The following PDE6A variants were observed in gnomAD, a reference collection of about 807,000 sequenced individuals.
PDE6A encodes phosphodiesterase 6A.
A neutral mutation model predicts 106.3 loss-of-function variants in PDE6A; 84 were observed. The observed-to-expected ratio is 0.79, with a 90% CI of 0.66 to 0.95. The LOEUF is 0.95. Ranked by LOEUF, PDE6A falls within the 40% of genes least tolerant of loss-of-function variation. The pLI is 0.00. For synonymous variants in PDE6A, 394 were observed against 386.6 expected, an observed-to-expected ratio of 1.02 and a Z score of -0.23; for missense variants, 1,052 against 1,084.9, an observed-to-expected ratio of 0.97 and a Z score of 0.43.
intron 2 of PDE6A, 137 bp downstream of exon 2, chr5:149,934,429 C>T: frequency 1.2e-6 from 1 of 854,364 alleles, no homozygotes; most frequent in South Asian, 1.4e-5. Context: ...ATCCTGCCTC[C>T]CTCAGAGAAC....
chr5:149,909,538 A>G (rs1753307944), intron 6 of PDE6A, among the ~76,000 whole-genome samples: 1 of 152,042 alleles, frequency 6.6e-6, no homozygotes, highest in African/African-American at 2.4e-5. Flanking sequence ...CATTCCACAC[A>G]CACCTTTGCA....
intron 11 of PDE6A, 53 bp from the exon 12 acceptor site, chr5:149,896,555 C>T (rs1299353604): frequency 6.2e-7 from 1 of 1,613,980 alleles, no homozygotes; most frequent in Non-Finnish European, 8.5e-7. Flanking sequence ...TTTCTGGGTG[C>T]CCACCTCCTG....
intron 1 of PDE6A, among the ~76,000 whole-genome samples, chr5:149,936,692 T>A (rs1001458121): frequency 6.6e-6 from 1 of 152,200 alleles, no homozygotes; most frequent in African/African-American, 2.4e-5. Context: ...TATAAAGTGT[T>A]CTAAACAACC....
chr5:149,868,670 C>A (rs74636921), intron 17 of PDE6A, among the ~76,000 whole-genome samples: 2 of 152,054 alleles, frequency 1.3e-5, no homozygotes, highest in South Asian at 2.1e-4. Context: ...TTCCCTGCCC[C>A]AACTGCCAAC....
rs755144386 is a variant in PDE6A at position 149,863,249 on chromosome 5, G to A, written c.2376C>T (p.His792=). The change falls in exon 21 of 22, where the codon CAC becomes CAT. Residue 792 remains histidine (H), a synonymous_variant. Coordinates refer to ENST00000255266, the MANE Select transcript of PDE6A (RefSeq NM_000440.3). The surrounding 1 kb of genome is among the most constrained non-coding windows in gnomAD (Gnocchi z 4.7). ...CGTCCAACATTGGGGTGATCTCCTC[G>A]TGGAAACGGGAGAATTCCTAGAAGA... ...TFVYKEFSRF[H]EEITPMLDGI... is the part of the protein sequence containing the mutation. 1.4e-5 allele frequency: 23 copies of A among 1,614,030 alleles called. No homozygotes were observed. Among genetic ancestry groups the A allele is most frequent in the South Asian group, 3.3e-5 (3 of 91,086 alleles).
chr5:149,931,990 T>C, intron 3 of PDE6A: 1 of 1,433,872 alleles, frequency 7.0e-7, no homozygotes, highest in Non-Finnish European at 9.8e-7. Flanking sequence ...GATAATATTT[T>C]TGAGAGCTGA....
intron 17 of PDE6A, among the ~76,000 whole-genome samples, chr5:149,880,058 C>T (rs1760870656): frequency 6.6e-6 from 1 of 152,130 alleles, no homozygotes; most frequent in African/African-American, 2.4e-5. Flanking sequence ...GACAGAACTG[C>T]CTTTAGTTCT....
At chr5:149,865,199 C>A (rs1256182927) in intron 20 of PDE6A, among the ~76,000 whole-genome samples, 2 of 147,728 alleles carry the variant, frequency 1.4e-5, no homozygotes, top group East Asian at 4.0e-4. Context: ...GAGATCGCAC[C>A]ACTGCACTCC....
chr5:149,862,486 C>T (rs966292332), intron 21 of PDE6A, among the ~76,000 whole-genome samples: 1 of 152,116 alleles, frequency 6.6e-6, no homozygotes, highest in Non-Finnish European at 1.5e-5. Context: ...AGTCCGGACG[C>T]GGTGGCTTAT....
At chr5:149,942,937 C>G (rs960398073) in intron 1 of PDE6A, among the ~76,000 whole-genome samples, 2 of 151,612 alleles carry the variant, frequency 1.3e-5, no homozygotes, top group Admixed American at 1.3e-4. Context: ...GGTTTTACAC[C>G]GAGACATTCC....
intron 14 of PDE6A, 48 bp downstream of exon 14, chr5:149,886,217 T>C: frequency 1.5e-6 from 2 of 1,353,888 alleles, no homozygotes; most frequent in Non-Finnish European, 2.1e-6. Flanking sequence ...CACACAGAGC[T>C]GGATAATGAA....
rs35852293 is a variant in PDE6A, at chr5:149,884,195, A to ATATATAT, written c.2027+283_2027+284insATATATA. 2.0e-3 allele frequency among the ~76,000 whole-genome samples: 272 copies of ATATATAT among 138,754 alleles called. 5 individuals are homozygous for ATATATAT. Among genetic ancestry groups the ATATATAT allele is most frequent in the East Asian group, 5.4e-3 (27 of 4,984 alleles). The allele number at this position is 138,754 out of a possible 152,430, so 91.0% of individuals were successfully genotyped here. A position where few individuals can be genotyped will look rare whatever the true frequency, so the allele number is the denominator to read the frequency against. On this transcript the variant is annotated intron_variant, in intron 16 of 21. Transcript: ENST00000255266. ...AGATCCTGTCTCAAAAAAGAAAAAA[A>ATATATAT]AAAAATATATATATATATATACACA...
At chr5:149,936,500 A>G (rs1023971397) in intron 1 of PDE6A, among the ~76,000 whole-genome samples, 2 of 152,222 alleles carry the variant, frequency 1.3e-5, no homozygotes, top group East Asian at 3.9e-4. Flanking sequence ...CAGTTTCCCA[A>G]TGTTCACTTC....
At chr5:149,918,394 T>G (rs30829) in intron 5 of PDE6A, among the ~76,000 whole-genome samples, 71,838 of 151,738 alleles carry the variant, frequency 0.47, 18,707 homozygotes, top group Non-Finnish European at 0.6. Flanking sequence ...TAGTGCAGAG[T>G]GGTGGTGGTG....
At chr5:149,868,350 G>A (rs1760411920) in intron 17 of PDE6A, among the ~76,000 whole-genome samples, 192 bp from the exon 18 acceptor site, 1 of 152,232 alleles carries the variant, frequency 6.6e-6, no homozygotes, top group Non-Finnish European at 1.5e-5. Context: ...GCCTCTGTCA[G>A]TGATCAGAGG....
chr5:149,910,874 C>CTTTTTT (rs386405293), intron 6 of PDE6A, among the ~76,000 whole-genome samples: 941 of 87,124 alleles, frequency 0.011, 71 homozygotes, highest in African/African-American at 0.031. Flanking sequence ...TTTCTTTTTC[C>CTTTTTT]TTTTTTTTTT....
chr5:149,918,736 C>A (rs1753624191), intron 5 of PDE6A, among the ~76,000 whole-genome samples: 2 of 152,076 alleles, frequency 1.3e-5, no homozygotes, highest in South Asian at 4.1e-4. Flanking sequence ...CTTAGCCTCC[C>A]AAGTAACTGG....
At position 149,866,268 on chromosome 5, in the gene PDE6A, A is replaced by G. The variant is rs540834855; in HGVS notation, c.2275-15T>C. On this transcript the variant is annotated splice_polypyrimidine_tract_variant and intron_variant, in intron 19 of 21. Coordinates refer to ENST00000255266, the MANE Select transcript of PDE6A (RefSeq NM_000440.3). ...TCCATCATGGGCTGTCATGGGGGAG[A>G]AAGAGTTAATTGCACTGGACAGTAA... is the stretch of plus-strand genomic sequence containing the variant. 13 of 1,599,752 alleles carry G rather than the reference A, an allele frequency of 8.1e-6. No homozygotes were observed. The East Asian group carries it at 2.7e-4, about 33-fold the overall frequency.
At chr5:149,895,089 A>G (rs1752686352) in intron 13 of PDE6A, 94 bp downstream of exon 13, 1 of 802,070 alleles carries the variant, frequency 1.2e-6, no homozygotes, top group South Asian at 1.4e-5. Context: ...AAATAAAGAA[A>G]GAAGAACAAC....
Sources: allele counts gnomAD v4.1 joint callset (sites outside exome capture counted in the v4.1 genomes callset), GRCh38; gene constraint gnomAD v4.1.1; non-coding constraint Gnocchi (gnomAD v3.1); transcripts MANE v1.5; gene names NCBI Gene and HGNC (gene_info 2026-07-23, HGNC 2026-07-21).